The following DOCK2 variants were observed in gnomAD, a reference collection of about 807,000 sequenced individuals.
DOCK2 encodes dedicator of cytokinesis protein 2.
Under a neutral mutation model 248.9 loss-of-function variants are expected in DOCK2, and 87 were observed. That is an observed-to-expected ratio of 0.35 (90% CI 0.29 to 0.42). The LOEUF (loss-of-function observed/expected upper bound fraction) is 0.42. Ranked by LOEUF, DOCK2 falls within the 10% of genes least tolerant of loss-of-function variation. The probability of loss-of-function intolerance (pLI) is 1.00; values close to 1 mark genes in which losing one functional copy is unlikely to be tolerated. For synonymous variants in DOCK2, 805 were observed against 821.6 expected (o/e 0.98, Z 0.35); for missense variants, 1,747 against 2,300.2 (o/e 0.76, Z 4.92).
intron 29 of DOCK2, among the ~76,000 whole-genome samples, chr5:169,995,870 A>G (rs1213247694): frequency 4.6e-5 from 7 of 152,248 alleles, no homozygotes; most frequent in Non-Finnish European, 8.8e-5. Flanking sequence ...AAATTTTCAA[A>G]AAGAAGTCGA....
intron 2 of DOCK2, among the ~76,000 whole-genome samples, chr5:169,655,397 G>T (rs1378894905): frequency 1.3e-5 from 2 of 152,232 alleles, no homozygotes; most frequent in Non-Finnish European, 2.9e-5. Context: ...CATTAGAGGA[G>T]GCCCTGGGGA....
Position 169,670,559 on chromosome 5 carries a change from A to G in DOCK2, c.186A>G (p.Ser62=). 2 of 1,613,660 alleles carry G rather than the reference A, an allele frequency of 1.2e-6. No individual in the cohort carries two copies. The highest frequency in any genetic ancestry group is 2.2e-5 in the East Asian group (1 of 44,862). The change falls in exon 4 of 52, where the codon TCA becomes TCG. Residue 62 remains serine (S), a synonymous_variant. Coordinates refer to ENST00000520908, the MANE Select transcript of DOCK2 (RefSeq NM_004946.3). ...HKMLQGIFPK[S]FIHIKEVTVE... is the part of the protein sequence containing the mutation. Reference sequence around the variant, plus strand: ...TCCAACAGGGCATTTTTCCTAAGTCATTTATCCACATCAAGGAAGTGACAG... The same window carrying G: ...TCCAACAGGGCATTTTTCCTAAGTCGTTTATCCACATCAAGGAAGTGACAG...
intron 27 of DOCK2, among the ~76,000 whole-genome samples, chr5:169,851,722 A>G (rs1264678356): frequency 6.6e-6 from 1 of 152,190 alleles, no homozygotes; most frequent in African/African-American, 2.4e-5. Context: ...GAAACTTACA[A>G]TCATGGTGGA....
intron 38 of DOCK2, among the ~76,000 whole-genome samples, 154 bp from the exon 39 acceptor site, chr5:170,045,662 A>C (rs1756680412): frequency 6.6e-6 from 1 of 152,184 alleles, no homozygotes; most frequent in Admixed American, 6.5e-5. Flanking sequence ...CTCTCTAGGA[A>C]GCCCCCGGCC....
chr5:169,964,500 C>T (rs532565089), intron 27 of DOCK2, among the ~76,000 whole-genome samples: 8 of 152,340 alleles, frequency 5.3e-5, no homozygotes, highest in African/African-American at 9.6e-5. Flanking sequence ...TGGGAGCTGG[C>T]GGCCCTGTGG....
intron 27 of DOCK2, among the ~76,000 whole-genome samples, chr5:169,900,055 C>G (rs190928370): frequency 6.6e-6 from 1 of 152,346 alleles, no homozygotes; most frequent in Non-Finnish European, 1.5e-5. Context: ...CTCCTTCCCT[C>G]TCTCCATTTA....
intron 23 of DOCK2, among the ~76,000 whole-genome samples, chr5:169,747,859 G>T (rs1763694565): frequency 1.3e-5 from 2 of 152,210 alleles, no homozygotes; most frequent in Admixed American, 1.3e-4. Flanking sequence ...TGGGATTAAA[G>T]AGGGCTCCTC....
chr5:169,706,328 TA>T (rs911021124), intron 14 of DOCK2, among the ~76,000 whole-genome samples: 1 of 152,328 alleles, frequency 6.6e-6, no homozygotes, highest in African/African-American at 2.4e-5. Flanking sequence ...TCAACAGATA[TA>T]AATCTTTGTA....
intron 26 of DOCK2, among the ~76,000 whole-genome samples, chr5:169,829,875 G>A (rs1769112584): frequency 6.6e-6 from 1 of 152,164 alleles, no homozygotes; most frequent in African/African-American, 2.4e-5. Context: ...AAAGGAGATT[G>A]AGTGGTATAA....
At position 169,906,960 on chromosome 5, in the gene DOCK2, T is replaced by G. The variant is rs549539765; in HGVS notation, c.2799+66108T>G. On this transcript the variant is annotated intron_variant, in intron 27 of 51. Coordinates refer to ENST00000520908, the MANE Select transcript of DOCK2 (RefSeq NM_004946.3). ...TATCATTCAATAAATATTTATTGAG[T>G]TCTGCTATGAGTCAGGCACTGTCCT... 1.6e-4 allele frequency among the ~76,000 whole-genome samples: 24 copies of G among 152,286 alleles called. No homozygotes were observed. The South Asian group carries it at 4.6e-3, about 29-fold the overall frequency.
At chr5:169,900,886 C>T (rs76906565) in intron 27 of DOCK2, among the ~76,000 whole-genome samples, 10,728 of 152,020 alleles carry the variant, frequency 0.071, 427 homozygotes, top group South Asian at 0.14. Context: ...AGCAAATCAT[C>T]GATTAGGAGT....
intron 26 of DOCK2, among the ~76,000 whole-genome samples, chr5:169,824,934 AC>A (rs1208062076): frequency 2.8e-4 from 43 of 152,328 alleles, no homozygotes; most frequent in African/African-American, 9.6e-4. Context: ...CAAGAAAAAA[AC>A]AACCCCATCA....
At chr5:169,836,417 AT>A (rs1291556893) in intron 26 of DOCK2, among the ~76,000 whole-genome samples, 3 of 146,736 alleles carry the variant, frequency 2.0e-5, no homozygotes, top group African/African-American at 7.3e-5. Context: ...ACATTTTATC[AT>A]TTTTCTGCAA....
intron 26 of DOCK2, among the ~76,000 whole-genome samples, chr5:169,813,384 T>A (rs1485118233): frequency 1.3e-5 from 2 of 152,240 alleles, no homozygotes; most frequent in African/African-American, 4.8e-5. Context: ...CCAGCTCTGC[T>A]GCTGTGCCTT....
At chr5:169,718,313 G>T (rs1204842132) in intron 21 of DOCK2, among the ~76,000 whole-genome samples, 1 of 152,018 alleles carries the variant, frequency 6.6e-6, no homozygotes, top group East Asian at 1.9e-4. Context: ...GATATTACAA[G>T]AGCATGTTCT....
At position 170,014,951 on chromosome 5, in the gene DOCK2, A is replaced by C. The variant is rs1755458405; in HGVS notation, c.3233-4009A>C. ...AAAATATTTCAATGAGACAGAGAAG[A>C]GTGGAGGGTTGTGAGTGTCAGCCAT... On this transcript the variant is annotated intron_variant, in intron 32 of 51. Transcript: ENST00000520908. Among the ~76,000 whole-genome samples, 2 of 152,208 alleles carry C rather than the reference A, an allele frequency of 1.3e-5. 1 individual carries two copies. The highest frequency in any genetic ancestry group is 4.1e-4 in the South Asian group (2 of 4,830).
chr5:170,015,397 T>C (rs1439898371), intron 32 of DOCK2, among the ~76,000 whole-genome samples: 1 of 152,098 alleles, frequency 6.6e-6, no homozygotes, highest in African/African-American at 2.4e-5. Context: ...TCGAAGACTC[T>C]ACGGGGCCTG....
At chr5:169,899,561 T>A (rs949281040) in intron 27 of DOCK2, among the ~76,000 whole-genome samples, 2 of 152,172 alleles carry the variant, frequency 1.3e-5, no homozygotes, top group Non-Finnish European at 2.9e-5. Context: ...AATATAAATG[T>A]TTGTGCAGAG....
At chr5:169,900,627 C>A (rs541838968) in intron 27 of DOCK2, among the ~76,000 whole-genome samples, 1 of 152,280 alleles carries the variant, frequency 6.6e-6, no homozygotes, top group East Asian at 1.9e-4. Flanking sequence ...CTCCTTCATG[C>A]ACTACTTCTA....
Sources: gnomAD v4.1 joint callset for allele counts (sites outside exome capture counted in the v4.1 genomes callset) on GRCh38, gnomAD v4.1.1 for gene constraint, MANE v1.5 for transcripts, NCBI Gene and HGNC (gene_info 2026-07-23, HGNC 2026-07-21) for gene names.